Variants in FOXP1 observed in about 807,000 individuals in gnomAD.
FOXP1 encodes the protein forkhead box protein P1.
In FOXP1, 15 loss-of-function variants were observed where a neutral mutation model predicts 98.2. That is an observed-to-expected ratio of 0.15 (90% CI 0.10 to 0.24). The LOEUF (loss-of-function observed/expected upper bound fraction) is 0.24. FOXP1 is among the 10% of genes least tolerant of loss of function. FOXP1 has a pLI of 1.00. For synonymous variants in FOXP1, 371 were observed against 314.5 expected, an observed-to-expected ratio of 1.18 and a Z score of -1.90; for missense variants, 633 against 848.5, an observed-to-expected ratio of 0.75 and a Z score of 3.15.
chr3:71,400,211 A>G (rs2081858497), intron 3 of FOXP1, among the ~76,000 whole-genome samples: 1 of 152,224 alleles, frequency 6.6e-6, no homozygotes, highest in African/African-American at 2.4e-5. Flanking sequence ...TCTTATTGAT[A>G]TCATTACCTG....
intron 5 of FOXP1, among the ~76,000 whole-genome samples, chr3:71,202,442 CTAT>C (rs2063735772): frequency 6.6e-6 from 1 of 152,200 alleles, no homozygotes; most frequent in African/African-American, 2.4e-5. Context: ...AGCAATATTT[CTAT>C]CAAACGTTCC....
intron 4 of FOXP1, among the ~76,000 whole-genome samples, chr3:71,348,556 C>CGCGCGCACGT (rs2077552959): frequency 1.6e-5 from 2 of 127,206 alleles, no homozygotes; most frequent in African/African-American, 6.6e-5. Flanking sequence ...TGTGCGTGCG[C>CGCGCGCACGT]GCGCGCACGC....
In FOXP1 at chr3:71,206,347, A is replaced by G. The variant is rs181917111; in HGVS notation, c.-11-7955T>C. Among the ~76,000 whole-genome samples, 15 of 152,370 alleles carry G rather than the reference A, an allele frequency of 9.8e-5. 1 individual carries two copies. The highest frequency in any genetic ancestry group is 3.6e-4 in the African/African-American group (15 of 41,594). On this transcript the variant is annotated intron_variant, in intron 5 of 20. Transcript: ENST00000649528. The stretch of plus-strand genomic sequence containing the variant: ...TTAATTAAATCTGTTAGGTCTTAAG[A>G]GAAGTAGGATGATCTCATTAAACAT...
intron 6 of FOXP1, among the ~76,000 whole-genome samples, chr3:71,177,413 G>A (rs925533999): frequency 3.3e-5 from 5 of 152,202 alleles, no homozygotes; most frequent in African/African-American, 1.2e-4. Flanking sequence ...GAAGTGGAAT[G>A]ATTCTGAATG....
chr3:71,100,076 G>C (rs575200913), intron 7 of FOXP1, among the ~76,000 whole-genome samples: 1 of 152,288 alleles, frequency 6.6e-6, no homozygotes, highest in South Asian at 2.1e-4. Flanking sequence ...CATAGACTAT[G>C]GTCAGATAGG....
chr3:71,560,055 T>C (rs1042569459), intron 2 of FOXP1, among the ~76,000 whole-genome samples: 1 of 152,094 alleles, frequency 6.6e-6, no homozygotes, highest in Non-Finnish European at 1.5e-5. Flanking sequence ...AGACAAGAGA[T>C]GGAAAGAGGC....
chr3:71,039,770 AAAG>A (rs1333952017), intron 11 of FOXP1, among the ~76,000 whole-genome samples: 2 of 152,082 alleles, frequency 1.3e-5, no homozygotes, highest in East Asian at 3.9e-4. Context: ...AAAAAAAAAA[AAAG>A]AAGACATCAT....
At chr3:71,487,283 C>T (rs2090728643) in intron 3 of FOXP1, among the ~76,000 whole-genome samples, 1 of 152,194 alleles carries the variant, frequency 6.6e-6, no homozygotes, top group Non-Finnish European at 1.5e-5. Context: ...TGGTCTCAAA[C>T]TCCCGGCCTC....
intron 2 of FOXP1, among the ~76,000 whole-genome samples, chr3:71,508,783 A>G (rs1317045219): frequency 2.6e-5 from 4 of 152,114 alleles, no homozygotes; most frequent in Non-Finnish European, 4.4e-5. Flanking sequence ...CAAAGAAACA[A>G]CTTAGGTCTG....
intron 11 of FOXP1, among the ~76,000 whole-genome samples, chr3:71,032,112 C>T (rs2046947258): frequency 6.6e-6 from 1 of 152,252 alleles, no homozygotes; most frequent in African/African-American, 2.4e-5. Context: ...CTGCTCTTCA[C>T]ACTACATTGA....
At chr3:71,159,467 GAAGA>G (rs1241355438) in intron 6 of FOXP1, among the ~76,000 whole-genome samples, 4 of 152,240 alleles carry the variant, frequency 2.6e-5, no homozygotes, top group Non-Finnish European at 4.4e-5. Flanking sequence ...AATTGCAGCA[GAAGA>G]AAGAGAGCTA....
intron 3 of FOXP1, among the ~76,000 whole-genome samples, chr3:71,475,877 G>A (rs1322800242): frequency 1.4e-5 from 2 of 143,842 alleles, no homozygotes; most frequent in African/African-American, 2.6e-5. Context: ...TAAAAATGAT[G>A]TATTTTCCTA....
At chr3:71,093,135 C>T (rs1030614627) in intron 7 of FOXP1, among the ~76,000 whole-genome samples, 4 of 151,656 alleles carry the variant, frequency 2.6e-5, no homozygotes, top group African/African-American at 9.7e-5. Flanking sequence ...GTGGCACACG[C>T]CTCAGCTACT....
chr3:71,345,214 C>A (rs1459898310), intron 4 of FOXP1, among the ~76,000 whole-genome samples: 1 of 151,938 alleles, frequency 6.6e-6, no homozygotes, highest in African/African-American at 2.4e-5. Context: ...ATGGTGAAAC[C>A]ATGTCTCTAC....
At chr3:71,069,800 A>T (rs1168707734) in intron 7 of FOXP1, among the ~76,000 whole-genome samples, 1 of 152,210 alleles carries the variant, frequency 6.6e-6, no homozygotes. Flanking sequence ...TTACATTTTA[A>T]TTTTTTTAAC....
At chr3:71,067,761 C>CACAG (rs1214481591) in intron 7 of FOXP1, among the ~76,000 whole-genome samples, 1 of 150,610 alleles carries the variant, frequency 6.6e-6, no homozygotes, top group East Asian at 1.9e-4. Flanking sequence ...CACACACACA[C>CACAG]ACAATTAGCC....
chr3:71,055,974 CATG>C (rs1210039963), intron 7 of FOXP1, among the ~76,000 whole-genome samples: 1 of 152,068 alleles, frequency 6.6e-6, no homozygotes, highest in Non-Finnish European at 1.5e-5. Context: ...GAGCAGAAAT[CATG>C]ATAGAAATAA....
At chr3:71,075,826 G>A (rs1179829178) in intron 7 of FOXP1, among the ~76,000 whole-genome samples, 5 of 151,782 alleles carry the variant, frequency 3.3e-5, no homozygotes, top group Non-Finnish European at 5.9e-5. Context: ...AGGATCCTCC[G>A]GCCTTAGCCT....
At chr3:71,370,859 T>C (rs1468754570) in intron 3 of FOXP1, among the ~76,000 whole-genome samples, 1 of 148,354 alleles carries the variant, frequency 6.7e-6, no homozygotes, top group African/African-American at 2.5e-5. Context: ...TGGAATGCAG[T>C]GGCATGATCT....
Sources: gnomAD v4.1 joint callset for allele counts (sites outside exome capture counted in the v4.1 genomes callset) on GRCh38, gnomAD v4.1.1 for gene constraint, MANE v1.5 for transcripts, NCBI Gene and HGNC (gene_info 2026-07-23, HGNC 2026-07-21) for gene names.